SNX27: variants seen among roughly 807,000 people sequenced by gnomAD.
The protein encoded by SNX27 is sorting nexin-27.
Under a neutral mutation model 71.6 loss-of-function variants are expected in SNX27, and 22 were observed. The ratio of observed to expected loss-of-function variants is 0.31; its 90% CI spans 0.22 to 0.44. The LOEUF (loss-of-function observed/expected upper bound fraction) is 0.44, where lower values mean the gene tolerates loss of function less well. Ranked by LOEUF, SNX27 falls within the 20% of genes least tolerant of loss-of-function variation. SNX27 has a pLI of 1.00. For synonymous variants in SNX27, 269 were observed against 277.2 expected (o/e 0.97, Z 0.29); for missense variants, 531 against 698.6 (o/e 0.76, Z 2.70).
At chr1:151,665,126 A>C (rs1402501324) in intron 5 of SNX27, among the ~76,000 whole-genome samples, 1 of 152,198 alleles carries the variant, frequency 6.6e-6, no homozygotes, top group African/African-American at 2.4e-5. Context: ...AATGGCATGA[A>C]AAAGAGATAC....
At position 151,692,992 on chromosome 1, in the gene SNX27, G is replaced by C. The variant is rs1464398494; in HGVS notation, c.1471G>C (p.Ala491Pro). The C allele has an allele frequency of 2.5e-6, 4 of 1,614,208 alleles. No individual in the cohort carries two copies. The highest frequency in any genetic ancestry group is 3.4e-6 in the Non-Finnish European group (4 of 1,180,028). Residue 491 changes from alanine (A) to proline (P), a missense_variant, in exon 10 of 12, where the codon GCA (alanine) becomes CCA (proline). Physicochemically the swap from Ala to Pro is conservative, Grantham distance 27. Coordinates refer to ENST00000458013, the MANE Select transcript of SNX27 (RefSeq NM_001330723.2). The stretch of plus-strand genomic sequence containing the variant: ...AGGGATGGCCTTCTGTTTCGAATAT[G>C]CACGAGGAGAGAAGAAGCCCCGATG... ...EEGMAFCFEY[A>P]RGEKKPRWVK... is the part of the protein sequence containing the mutation.
chr1:151,687,941 G>C (rs1401255140), intron 8 of SNX27, among the ~76,000 whole-genome samples: 1 of 101,828 alleles, frequency 9.8e-6, no homozygotes, highest in Admixed American at 1.1e-4. Flanking sequence ...AGCGGAGTCT[G>C]TCTCAAAAAA....
intron 2 of SNX27, among the ~76,000 whole-genome samples, chr1:151,640,597 A>T (rs1228455621): frequency 6.6e-6 from 1 of 151,390 alleles, no homozygotes; most frequent in African/African-American, 2.4e-5. Context: ...CTAGTCTCGA[A>T]CTCCTGACCT....
At chr1:151,664,117 A>C (rs555450210) in intron 5 of SNX27, among the ~76,000 whole-genome samples, 1 of 147,512 alleles carries the variant, frequency 6.8e-6, no homozygotes, top group Admixed American at 6.8e-5. Context: ...TATATATATT[A>C]ATAACATATG....
chr1:151,630,994 T>C (rs1668205464), intron 1 of SNX27, among the ~76,000 whole-genome samples: 1 of 152,206 alleles, frequency 6.6e-6, no homozygotes, highest in Admixed American at 6.5e-5. Flanking sequence ...ATTGTGCCAC[T>C]GCACTCTAGC....
chr1:151,646,882 G>GGCAC (rs2102649774), intron 2 of SNX27, among the ~76,000 whole-genome samples: 2 of 148,668 alleles, frequency 1.3e-5, no homozygotes, highest in East Asian at 4.0e-4. Flanking sequence ...GCTGGACACA[G>GGCAC]ACACACACAC....
intron 1 of SNX27, among the ~76,000 whole-genome samples, chr1:151,632,910 C>T (rs535711905): frequency 1.3e-4 from 19 of 151,774 alleles, no homozygotes; most frequent in South Asian, 4.2e-4. Flanking sequence ...CTGGCTCTGT[C>T]GCCCAGGCTG....
intron 1 of SNX27, among the ~76,000 whole-genome samples, chr1:151,620,596 A>G (rs1259118961): frequency 6.6e-6 from 1 of 151,496 alleles, no homozygotes; most frequent in African/African-American, 2.4e-5. Flanking sequence ...TATACTTACT[A>G]TTGTGTTTAC....
intron 7 of SNX27, among the ~76,000 whole-genome samples, chr1:151,671,466 T>C (rs1008813485): frequency 5.3e-5 from 8 of 152,080 alleles, no homozygotes; most frequent in African/African-American, 1.9e-4. Flanking sequence ...CTTGAACTCC[T>C]AGGCTCAAGA....
chr1:151,615,817 A>C (rs1386619013), intron 1 of SNX27: 1 of 984,980 alleles, frequency 1.0e-6, no homozygotes, highest in Non-Finnish European at 1.2e-6. Flanking sequence ...GTGAAAGAAC[A>C]GAGTAACTTT....
intron 2 of SNX27, among the ~76,000 whole-genome samples, 180 bp downstream of exon 2, chr1:151,639,299 C>T (rs1386049349): frequency 1.3e-5 from 2 of 152,140 alleles, no homozygotes; most frequent in African/African-American, 4.8e-5. Flanking sequence ...GGGTGAATTA[C>T]AGTAGTGGAA....
chr1:151,618,941 T>A (rs924425591), intron 1 of SNX27, among the ~76,000 whole-genome samples: 1 of 152,110 alleles, frequency 6.6e-6, no homozygotes, highest in Non-Finnish European at 1.5e-5. Flanking sequence ...TTAGGCAGTT[T>A]TAAAATATCT....
intron 1 of SNX27, among the ~76,000 whole-genome samples, chr1:151,633,227 T>C (rs1190953406): frequency 6.6e-6 from 1 of 152,148 alleles, no homozygotes; most frequent in African/African-American, 2.4e-5. Flanking sequence ...ATATGAAGCA[T>C]AGAGTTTGAG....
At chr1:151,657,947 G>A (rs1292031924) in intron 2 of SNX27, among the ~76,000 whole-genome samples, 1 of 152,132 alleles carries the variant, frequency 6.6e-6, no homozygotes, top group Non-Finnish European at 1.5e-5. Flanking sequence ...GTTACAATGA[G>A]CCGAGATCAT....
Position 151,697,062 on chromosome 1 carries a change from A to G in SNX27, c.*2645A>G, listed in dbSNP as rs961055826. The G allele has an allele frequency of 2.0e-5, 3 of 152,188 alleles. No individual in the cohort carries two copies. The highest frequency in any genetic ancestry group is 7.2e-5 in the African/African-American group (3 of 41,418). 9.4% of individuals were successfully genotyped at this position (152,188 alleles called of 1,614,324 possible). ...CCTCACCTTCTCCAAATCTAGGTGA[A>G]ATCACAGAGTACAAAACGTGAGAAT... On this transcript the variant is annotated 3_prime_UTR_variant, in exon 12 of 12. Coordinates refer to ENST00000458013, the MANE Select transcript of SNX27 (RefSeq NM_001330723.2).
At chr1:151,657,497 C>T (rs1303501246) in intron 2 of SNX27, among the ~76,000 whole-genome samples, 4 of 152,136 alleles carry the variant, frequency 2.6e-5, no homozygotes, top group Admixed American at 6.5e-5. Context: ...TAGGCCTTTT[C>T]TTTGGAATCA....
chr1:151,629,366 A>G (rs972854777), intron 1 of SNX27: 2 of 151,976 alleles, frequency 1.3e-5, no homozygotes, highest in Admixed American at 6.6e-5. Flanking sequence ...AGAACGATAC[A>G]GAGAAGATTA....
At chr1:151,654,120 C>G (rs528531745) in intron 2 of SNX27, among the ~76,000 whole-genome samples, 2 of 152,116 alleles carry the variant, frequency 1.3e-5, no homozygotes, top group Non-Finnish European at 2.9e-5. Flanking sequence ...CGTGAGCCAC[C>G]GTGCCCGGCC....
chr1:151,651,252 C>G (rs1015264462), intron 2 of SNX27, among the ~76,000 whole-genome samples: 3 of 151,014 alleles, frequency 2.0e-5, no homozygotes, highest in African/African-American at 7.3e-5. Context: ...ACCTCCCTCC[C>G]AGACGGGGCG....
Sources: gnomAD v4.1 joint callset for allele counts (sites outside exome capture counted in the v4.1 genomes callset) on GRCh38, gnomAD v4.1.1 for gene constraint, MANE v1.5 for transcripts, NCBI Gene and HGNC (gene_info 2026-07-23, HGNC 2026-07-21) for gene names.